The following FNDC3B variants were observed in gnomAD, a reference collection of about 807,000 sequenced individuals.
The protein encoded by FNDC3B is fibronectin type III domain containing 3B.
FNDC3B carries 12 observed loss-of-function variants against 151.5 expected under a neutral mutation model. That is an observed-to-expected ratio of 0.08 (90% CI 0.05 to 0.13). The LOEUF is 0.13. Ranked by LOEUF, FNDC3B falls within the 10% of genes least tolerant of loss-of-function variation. The probability of loss-of-function intolerance (pLI) is 1.00; values close to 1 mark genes in which losing one functional copy is unlikely to be tolerated. For missense variants in FNDC3B, 1,214 were observed against 1,505.3 expected, an observed-to-expected ratio of 0.81 and a Z score of 3.20; for synonymous variants, 528 against 549.0, an observed-to-expected ratio of 0.96 and a Z score of 0.54.
At chr3:172,242,571 T>G (rs1727554528) in intron 4 of FNDC3B, among the ~76,000 whole-genome samples, 2 of 152,200 alleles carry the variant, frequency 1.3e-5, no homozygotes, top group South Asian at 4.1e-4. Context: ...AGCTGTACCT[T>G]GGCCCCTTTC....
rs113522210 is a variant in FNDC3B at position 172,347,358 on chromosome 3, A to T, written c.2511A>T (p.Leu837=). ...LLPAAQYCCR[L]QAFNQAGAGP... The stretch of plus-strand genomic sequence containing the variant: ...CTGCTGCACAGTATTGCTGTAGACT[A>T]CAGGTAGGTTGACATTATTCAGATG... The change falls in exon 21 of 26, where the codon CTA becomes CTT. Residue 837 remains leucine (L), a synonymous_variant. Coordinates refer to ENST00000415807, the MANE Select transcript of FNDC3B (RefSeq NM_022763.4). The T allele has an allele frequency of 6.2e-7, 1 of 1,611,700 alleles. No homozygotes were observed. The highest frequency in any genetic ancestry group is 1.1e-5 in the South Asian group (1 of 90,582).
intron 2 of FNDC3B, 22 bp from the exon 3 acceptor site, chr3:172,133,449 A>C (rs980091105): frequency 1.9e-6 from 3 of 1,592,512 alleles, no homozygotes; most frequent in Non-Finnish European, 1.7e-6. Context: ...ATTAAACTGA[A>C]ATTAATGTGT....
chr3:172,358,261 C>T (rs1264732921), intron 22 of FNDC3B, among the ~76,000 whole-genome samples: 1 of 152,196 alleles, frequency 6.6e-6, no homozygotes, highest in East Asian at 1.9e-4. Context: ...AGCTTTCAAC[C>T]CCTAGTAGTC....
At chr3:172,339,601 C>G (rs1008250179) in intron 16 of FNDC3B, among the ~76,000 whole-genome samples, 1 of 152,054 alleles carries the variant, frequency 6.6e-6, no homozygotes, top group African/African-American at 2.4e-5. Flanking sequence ...AACAAAAAAC[C>G]TGGTTTAGCT....
At chr3:172,300,465 T>A (rs1730848537) in intron 9 of FNDC3B, among the ~76,000 whole-genome samples, 1 of 34,708 alleles carries the variant, frequency 2.9e-5, no homozygotes, top group African/African-American at 2.7e-4. Context: ...GTTCCATTTA[T>A]TTTTTTTTTA....
chr3:172,386,759 G>GAAAAAAAAAAAAAAAAAAAAAAAA (rs1233563821), intron 25 of FNDC3B, among the ~76,000 whole-genome samples: 1 of 106,366 alleles, frequency 9.4e-6, no homozygotes, highest in Non-Finnish European at 2.0e-5. Flanking sequence ...AAAAAAAAAA[G>GAAAAAAAAAAAAAAAAAAAAAAAA]AAAAAAAAAA....
chr3:172,180,346 A>C (rs909503758), intron 3 of FNDC3B, among the ~76,000 whole-genome samples: 2 of 152,124 alleles, frequency 1.3e-5, no homozygotes, highest in African/African-American at 2.4e-5. Context: ...ATAAGCCCCT[A>C]AGTGATCCCC....
At chr3:172,142,827 T>C (rs976058309) in intron 3 of FNDC3B, among the ~76,000 whole-genome samples, 2 of 152,358 alleles carry the variant, frequency 1.3e-5, no homozygotes, top group Non-Finnish European at 2.9e-5. Flanking sequence ...GAAATCTATT[T>C]CCTACAGTTC....
intron 1 of FNDC3B, among the ~76,000 whole-genome samples, chr3:172,068,310 T>A (rs944440106): frequency 6.6e-6 from 1 of 152,094 alleles, no homozygotes; most frequent in Non-Finnish European, 1.5e-5. Context: ...GGCTCGACCA[T>A]GGCTCCCACT....
intron 17 of FNDC3B, among the ~76,000 whole-genome samples, chr3:172,342,699 A>G (rs1733387644): frequency 6.6e-6 from 1 of 152,148 alleles, no homozygotes; most frequent in Non-Finnish European, 1.5e-5. Flanking sequence ...GGGTCTTTCT[A>G]ATTTTGATTT....
At chr3:172,295,640 AG>A (rs1264787553) in intron 8 of FNDC3B, 126 bp downstream of exon 8, 1 of 779,534 alleles carries the variant, frequency 1.3e-6, no homozygotes, top group Non-Finnish European at 2.0e-6. Context: ...TTTAAGATTT[AG>A]TAATAATTAT....
intron 3 of FNDC3B, among the ~76,000 whole-genome samples, chr3:172,192,492 T>A (rs888443598): frequency 3.3e-5 from 5 of 152,014 alleles, no homozygotes; most frequent in Non-Finnish European, 4.4e-5. Context: ...GCTGGTATGG[T>A]CTTTAATTGT....
chr3:172,397,176 G>C lies in FNDC3B; in HGVS notation c.3316G>C (p.Glu1106Gln). The C allele has an allele frequency of 6.2e-7, 1 of 1,610,152 alleles. No homozygotes were observed. The highest frequency in any genetic ancestry group is 8.5e-7 in the Non-Finnish European group (1 of 1,177,346). ...ESEYKQVYKG[E>Q]EATFQISGLQ... is the part of the protein sequence containing the mutation. ...TCTTTTCCTGAAGGTGTACAAGGGA[G>C]AAGAAGCCACATTCCAAATCTCAGG... Residue 1106 changes from glutamate (E) to glutamine (Q), a missense_variant, in exon 26 of 26, where the codon GAA (glutamate) becomes CAA (glutamine). Physicochemically the swap from Glu to Gln is conservative, Grantham distance 29. This residue lies in a region of FNDC3B where 284 missense variants were observed against 392.4 expected (regional missense o/e 0.72). Coordinates refer to ENST00000415807, the MANE Select transcript of FNDC3B (RefSeq NM_022763.4).
intron 16 of FNDC3B, among the ~76,000 whole-genome samples, chr3:172,340,846 A>G (rs1560088678): frequency 6.6e-6 from 1 of 152,142 alleles, no homozygotes; most frequent in Non-Finnish European, 1.5e-5. Context: ...GGCACGTTTC[A>G]TTATGGTTTC....
chr3:172,116,585 A>G (rs1720258827), intron 2 of FNDC3B, among the ~76,000 whole-genome samples: 1 of 150,946 alleles, frequency 6.6e-6, no homozygotes, highest in Non-Finnish European at 1.5e-5. Context: ...TTTTTTTTTG[A>G]GATGGAGTCT....
chr3:172,227,928 G>A (rs1199206676), intron 4 of FNDC3B, among the ~76,000 whole-genome samples: 3 of 152,080 alleles, frequency 2.0e-5, no homozygotes, highest in South Asian at 4.2e-4. Flanking sequence ...CAGCTACATA[G>A]GAAAGTTGCT....
intron 3 of FNDC3B, among the ~76,000 whole-genome samples, chr3:172,181,395 C>CAAAAAAAAAAAAAAAAAAAAAAAA (rs755223783): frequency 2.8e-5 from 2 of 71,532 alleles, no homozygotes; most frequent in African/African-American, 1.2e-4. Context: ...ACTCTGTCTC[C>CAAAAAAAAAAAAAAAAAAAAAAAA]AAAAAAAAAA....
At chr3:172,298,883 AC>A in intron 9 of FNDC3B, 96 bp downstream of exon 9, 1 of 809,466 alleles carries the variant, frequency 1.2e-6, no homozygotes, top group Non-Finnish European at 2.0e-6. Flanking sequence ...AATGTTGCTT[AC>A]CTTGCTGAAA....
intron 20 of FNDC3B, 21 bp from the exon 21 acceptor site, chr3:172,347,191 C>T: frequency 6.2e-7 from 1 of 1,601,188 alleles, no homozygotes; most frequent in South Asian, 1.1e-5. Flanking sequence ...TTATTAACTA[C>T]TTCCATTTCT....
Sources: allele counts gnomAD v4.1 joint callset (sites outside exome capture counted in the v4.1 genomes callset), GRCh38; gene constraint gnomAD v4.1.1; regional missense constraint gnomAD v4.1.1; transcripts MANE v1.5; gene names NCBI Gene and HGNC (gene_info 2026-07-23, HGNC 2026-07-21).